Variants in DPH6 observed in about 807,000 individuals in gnomAD.
DPH6 encodes the protein diphthine--ammonia ligase.
A neutral mutation model predicts 38.2 loss-of-function variants in DPH6; 33 were observed. That is an observed-to-expected ratio of 0.86 (90% confidence interval 0.65 to 1.15). DPH6 has a LOEUF of 1.15. Ranked by LOEUF, DPH6 falls within the 50% of genes most tolerant of loss-of-function variation. DPH6 has a pLI of 0.00. For missense variants in DPH6, 325 were observed against 320.0 expected, an observed-to-expected ratio of 1.02 and a Z score of -0.12; for synonymous variants, 108 against 103.0, an observed-to-expected ratio of 1.05 and a Z score of -0.30.
intron 3 of DPH6, chr15:35,521,322 A>G (rs2054919660): frequency 1.0e-6 from 1 of 999,600 alleles, no homozygotes; most frequent in African/African-American, 1.7e-5. Context: ...ATAATAAACA[A>G]CCTTTTTTAA....
chr15:35,471,151 A>ACTACAATACAATAC (rs1164001768), intron 3 of DPH6, among the ~76,000 whole-genome samples: 1 of 152,166 alleles, frequency 6.6e-6, no homozygotes, highest in Non-Finnish European at 1.5e-5. Context: ...GCTCAATCAT[A>ACTACAATACAATAC]AAGAGCAATA....
chr15:35,278,346 C>G (rs1457712563), intron 3 of DPH6, among the ~76,000 whole-genome samples: 1 of 152,210 alleles, frequency 6.6e-6, no homozygotes, highest in African/African-American at 2.4e-5. Flanking sequence ...TGGCAGTAAG[C>G]CTGTGGCTGC....
chr15:35,305,074 C>T (rs1321865495), intron 3 of DPH6, among the ~76,000 whole-genome samples: 2 of 152,038 alleles, frequency 1.3e-5, no homozygotes, highest in Non-Finnish European at 2.9e-5. Flanking sequence ...TTTACATGAC[C>T]AACTCATATA....
intron 3 of DPH6, among the ~76,000 whole-genome samples, chr15:35,232,256 A>G (rs894144695): frequency 2.6e-5 from 4 of 152,210 alleles, no homozygotes; most frequent in Non-Finnish European, 1.5e-5. Context: ...TATTGTGATC[A>G]CTAATAATTG....
At chr15:35,401,537 G>A in intron 6 of DPH6, 2 of 771,952 alleles carry the variant, frequency 2.6e-6, no homozygotes, top group South Asian at 1.3e-5. Context: ...GGAGGCAGAG[G>A]TGGCTTTGGT....
intron 7 of DPH6, among the ~76,000 whole-genome samples, chr15:35,375,259 T>A (rs771382780): frequency 6.6e-6 from 1 of 152,136 alleles, no homozygotes. Flanking sequence ...AGAGAGAATA[T>A]ATGACATTCT....
intron 5 of DPH6, among the ~76,000 whole-genome samples, chr15:35,417,643 A>G (rs1402555016): frequency 6.6e-6 from 1 of 152,110 alleles, no homozygotes; most frequent in Non-Finnish European, 1.5e-5. Context: ...ATGCTAATAT[A>G]CCAATATATT....
At chr15:35,189,220 A>G in the DPH6 span, among the ~76,000 whole-genome samples, 2 of 152,218 alleles carry the variant, frequency 1.3e-5, no homozygotes, top group Non-Finnish European at 2.9e-5. Context: ...TTGTACCACA[A>G]AGGTATGTCT....
At chr15:35,239,372 A>C (rs1208255589) in intron 3 of DPH6, among the ~76,000 whole-genome samples, 1 of 143,800 alleles carries the variant, frequency 7.0e-6, no homozygotes, top group Non-Finnish European at 1.5e-5. Flanking sequence ...TGTGGACCCC[A>C]AACTCCGGCG....
At chr15:35,393,685 G>A (rs555191289) in intron 6 of DPH6, among the ~76,000 whole-genome samples, 13 of 152,036 alleles carry the variant, frequency 8.6e-5, no homozygotes, top group African/African-American at 2.9e-4. Flanking sequence ...TTCTTTTATG[G>A]CCCACTTCAG....
intron 3 of DPH6, among the ~76,000 whole-genome samples, chr15:35,529,189 G>C (rs1595446096): frequency 6.6e-6 from 1 of 152,166 alleles, no homozygotes; most frequent in Non-Finnish European, 1.5e-5. Flanking sequence ...AGTTTTTAAA[G>C]AAAAGAGGTT....
chr15:35,167,053 C>T, the DPH6 span, among the ~76,000 whole-genome samples: 1 of 152,020 alleles, frequency 6.6e-6, no homozygotes, highest in Non-Finnish European at 1.5e-5. Context: ...ACCTCTGCCT[C>T]ACTATATACC....
chr15:35,157,850 A>C, the DPH6 span, among the ~76,000 whole-genome samples: 1 of 152,136 alleles, frequency 6.6e-6, no homozygotes, highest in Non-Finnish European at 1.5e-5. Context: ...CTAGAGAAAG[A>C]AAGCCTAGCT....
chr15:35,510,297 T>C (rs984311237), intron 3 of DPH6, among the ~76,000 whole-genome samples: 1 of 152,200 alleles, frequency 6.6e-6, no homozygotes, highest in African/African-American at 2.4e-5. Flanking sequence ...CTGCAGAACT[T>C]TGTCGTATCA....
chr15:35,188,949 A>T, the DPH6 span, among the ~76,000 whole-genome samples: 5 of 152,200 alleles, frequency 3.3e-5, no homozygotes, highest in Non-Finnish European at 7.4e-5. Context: ...GAAGCATTAA[A>T]AGCCTGATGA....
At chr15:35,465,775 T>C (rs1162599515) in intron 3 of DPH6, among the ~76,000 whole-genome samples, 1 of 152,214 alleles carries the variant, frequency 6.6e-6, no homozygotes, top group African/African-American at 2.4e-5. Flanking sequence ...ATTTGTAGTA[T>C]TATTATCTCC....
the DPH6 span, among the ~76,000 whole-genome samples, chr15:35,173,176 C>G: frequency 6.6e-6 from 1 of 152,168 alleles, no homozygotes; most frequent in Non-Finnish European, 1.5e-5. Flanking sequence ...TTTAAACAAT[C>G]TAGCATGTCC....
At position 35,304,362 on chromosome 15, in the gene DPH6, A is replaced by G. The variant is rs532515419; in HGVS notation, n.200+69159T>C. On this transcript the variant is annotated intron_variant and non_coding_transcript_variant, in intron 3 of 3. Transcript: ENST00000560386. ...TTCAGTCAAAACCTCTGGCACATAC[A>G]ATCTAAGATTTTAGCACACCCTCTG... Among the ~76,000 whole-genome samples the G allele has an allele frequency of 1.2e-4, 18 of 152,256 alleles. 1 individual carries two copies. The highest frequency in any genetic ancestry group is 4.1e-4 in the African/African-American group (17 of 41,594).
chr15:35,385,089 A>G (rs746073706), intron 6 of DPH6, among the ~76,000 whole-genome samples: 1 of 152,216 alleles, frequency 6.6e-6, no homozygotes, highest in Non-Finnish European at 1.5e-5. Context: ...TGCCAGTTAG[A>G]TTGGCGATCA....
Sources: gnomAD v4.1 joint callset for allele counts (sites outside exome capture counted in the v4.1 genomes callset) on GRCh38, gnomAD v4.1.1 for gene constraint, MANE v1.5 for transcripts, NCBI Gene and HGNC (gene_info 2026-07-23, HGNC 2026-07-21) for gene names.